Variants in CCNY observed in about 807,000 individuals in gnomAD.
The protein encoded by CCNY is cyclin-Y.
In CCNY, 19 loss-of-function variants were observed where a neutral mutation model predicts 42.8. The ratio of observed to expected loss-of-function variants is 0.44; its 90% CI spans 0.31 to 0.65. The LOEUF is 0.65. Among genes scored for constraint, CCNY ranks in the 30% least tolerant of loss-of-function variants. The pLI, the probability that CCNY is intolerant of heterozygous loss-of-function variation, is 0.07. For synonymous variants in CCNY, 165 were observed against 162.7 expected (o/e 1.01, Z -0.11); for missense variants, 370 against 437.3 (o/e 0.85, Z 1.37).
intron 1 of CCNY, among the ~76,000 whole-genome samples, chr10:35,397,943 C>A (rs930793710): frequency 6.6e-6 from 1 of 152,160 alleles, no homozygotes; most frequent in Non-Finnish European, 1.5e-5. Context: ...GGACTTCCCC[C>A]TCTGGTGATG....
At chr10:35,385,647 T>G (rs1837286674) in intron 1 of CCNY, among the ~76,000 whole-genome samples, 1 of 152,222 alleles carries the variant, frequency 6.6e-6, no homozygotes, top group Admixed American at 6.5e-5. Flanking sequence ...ACCTGATATT[T>G]CTTTAAAACA....
At chr10:35,319,382 AAAAC>A (rs375462688) in intron 3 of CCNY, among the ~76,000 whole-genome samples, 35 of 152,174 alleles carry the variant, frequency 2.3e-4, no homozygotes, top group Admixed American at 3.3e-4. Flanking sequence ...AACCTATCTC[AAAAC>A]AAACAAACAA....
At chr10:35,290,476 T>G (rs1473540156) in intron 3 of CCNY, among the ~76,000 whole-genome samples, 1 of 152,152 alleles carries the variant, frequency 6.6e-6, no homozygotes, top group Non-Finnish European at 1.5e-5. Context: ...TTGAGAGAAT[T>G]ATGTTTTTCT....
chr10:35,498,808 C>G (rs370471262), intron 2 of CCNY, among the ~76,000 whole-genome samples: 5 of 152,202 alleles, frequency 3.3e-5, no homozygotes, highest in African/African-American at 9.6e-5. Context: ...TTAGGAGGAG[C>G]ATTACAAAAC....
chr10:35,555,445 A>G (rs1001539743), intron 8 of CCNY, among the ~76,000 whole-genome samples: 3 of 152,230 alleles, frequency 2.0e-5, no homozygotes, highest in African/African-American at 4.8e-5. Context: ...GTAAAACCCA[A>G]TTACCAGGAA....
chr10:35,528,432 A>C (rs561465882), intron 5 of CCNY, among the ~76,000 whole-genome samples: 3 of 152,324 alleles, frequency 2.0e-5, no homozygotes, highest in Non-Finnish European at 4.4e-5. Context: ...GGCTGAGCGC[A>C]GTGGCTTACG....
chr10:35,438,794 T>G (rs189814670), intron 1 of CCNY, among the ~76,000 whole-genome samples: 1 of 152,352 alleles, frequency 6.6e-6, no homozygotes, highest in East Asian at 1.9e-4. Context: ...CAAGGTTGAT[T>G]TATTTGATTT....
intron 1 of CCNY, among the ~76,000 whole-genome samples, chr10:35,411,238 T>C (rs1837897180): frequency 6.6e-6 from 1 of 152,016 alleles, no homozygotes; most frequent in Non-Finnish European, 1.5e-5. Flanking sequence ...ATAGGCCGGG[T>C]GCGGTGGCTC....
chr10:35,550,281 T>C (rs1841225450), intron 7 of CCNY, among the ~76,000 whole-genome samples: 1 of 151,840 alleles, frequency 6.6e-6, no homozygotes, highest in Admixed American at 6.6e-5. Flanking sequence ...TCCGTGACCC[T>C]ACAGTGCTTG....
intron 3 of CCNY, among the ~76,000 whole-genome samples, chr10:35,269,266 T>A (rs886567658): frequency 7.6e-6 from 1 of 131,062 alleles, no homozygotes; most frequent in Non-Finnish European, 1.6e-5. Context: ...TGCCAAATAA[T>A]CTACTTCCTT....
rs1177072692 is a variant in CCNY, at chr10:35,431,401, CCTCTCTCTCTCTCTCT to C, written c.155-51961_155-51946del. On this transcript the variant is annotated intron_variant, in intron 1 of 9. Transcript: ENST00000374704. Reference sequence around the variant, plus strand: ...CCCTTCCCCTCCCCTCCCCTCCCCTCCTCTCTCTCTCTCTCTCTCTCTCTCTCTCTCTCTCTCTCTC... The same window carrying C: ...CCCTTCCCCTCCCCTCCCCTCCCCTCCTCTCTCTCTCTCTCTCTCTCTCTC... Among the ~76,000 whole-genome samples the C allele has an allele frequency of 4.9e-3, 15 of 3,060 alleles. 1 individual carries two copies. The highest frequency in any genetic ancestry group is 0.016 in the East Asian group (1 of 62). 2.0% of individuals were successfully genotyped at this position (3,060 alleles called of 152,430 possible). A position where few individuals can be genotyped will look rare whatever the true frequency, so the allele number is the denominator to read the frequency against.
chr10:35,280,330 AAAGAAAGG>A (rs1835285281), intron 3 of CCNY, among the ~76,000 whole-genome samples: 1 of 151,398 alleles, frequency 6.6e-6, no homozygotes, highest in South Asian at 2.1e-4. Flanking sequence ...AGAAGGAAAG[AAAGAAAGG>A]AAGAAAGGAA....
In CCNY at chr10:35,416,608, C is replaced by G. The variant is rs541638155; in HGVS notation, c.155-66796C>G. On this transcript the variant is annotated intron_variant, in intron 1 of 9. Transcript: ENST00000374704. ...AATTGAGCAAATGGTGGTGAAGATA[C>G]CATAGAACAAAAGATTTCCTGTTGC... Among the ~76,000 whole-genome samples the G allele has an allele frequency of 3.9e-5, 6 of 152,214 alleles. No homozygotes were observed. In the South Asian group the frequency reaches 1.2e-3, roughly 32 times the overall value.
intron 2 of CCNY, among the ~76,000 whole-genome samples, chr10:35,500,661 C>G (rs1840092596): frequency 6.6e-6 from 1 of 152,172 alleles, no homozygotes; most frequent in South Asian, 2.1e-4. Flanking sequence ...TTCATCTGTA[C>G]CCACAAAATG....
chr10:35,444,986 TA>T (rs940715509), intron 1 of CCNY, among the ~76,000 whole-genome samples: 2 of 152,142 alleles, frequency 1.3e-5, no homozygotes, highest in Non-Finnish European at 1.5e-5. Flanking sequence ...GGGAAATTTT[TA>T]GTATTTGTGG....
Position 35,351,296 on chromosome 10 carries a change from C to T in CCNY, c.154+14089C>T, listed in dbSNP as rs555501328. Among the ~76,000 whole-genome samples the T allele has an allele frequency of 5.3e-5, 8 of 152,294 alleles. No individual in the cohort carries two copies. In the South Asian group the frequency reaches 1.7e-3, roughly 32 times the overall value. On this transcript the variant is annotated intron_variant, in intron 1 of 9. Coordinates refer to ENST00000374704, the MANE Select transcript of CCNY (RefSeq NM_145012.6). ...GTTTATACGACACATCTGGAAGTGACGTGGAAGATGAACTCTTCAGGTCAA... is the reference window on the plus strand; with the variant it reads ...GTTTATACGACACATCTGGAAGTGATGTGGAAGATGAACTCTTCAGGTCAA...
Position 35,383,831 on chromosome 10 carries a change from T to G in CCNY, c.154+46624T>G, listed in dbSNP as rs563451095. On this transcript the variant is annotated intron_variant, in intron 1 of 9. Transcript: ENST00000374704. The stretch of plus-strand genomic sequence containing the variant: ...CAGTACTTTTAGGTAGAAAAAAGAT[T>G]TATCAACTAAGATTGGGAAAAACCT... Among the ~76,000 whole-genome samples, 9 of 152,258 alleles carry G rather than the reference T, an allele frequency of 5.9e-5. No individual in the cohort carries two copies. In the East Asian group the frequency reaches 1.4e-3, roughly 23 times the overall value.
At position 35,252,124 on chromosome 10, in the gene CCNY, T is replaced by G. The variant is rs544204839; in HGVS notation, c.-9+1498T>G. 3.3e-5 allele frequency among the ~76,000 whole-genome samples: 5 copies of G among 152,342 alleles called. No homozygotes were observed. In the South Asian group the frequency reaches 6.2e-4, roughly 19 times the overall value. ...TAGCATAAGATTTTAATTGTCTATA[T>G]TCATTGCTTGAGGGCATTTATAGAA... On this transcript the variant is annotated intron_variant, in intron 3 of 11. Transcript: ENST00000374706.
intron 7 of CCNY, among the ~76,000 whole-genome samples, chr10:35,542,343 C>G (rs1841019761): frequency 6.6e-6 from 1 of 151,858 alleles, no homozygotes; most frequent in Non-Finnish European, 1.5e-5. Flanking sequence ...CACATCACAT[C>G]AAAGGTACAT....
Sources: gnomAD v4.1 joint callset for allele counts (sites outside exome capture counted in the v4.1 genomes callset) on GRCh38, gnomAD v4.1.1 for gene constraint, MANE v1.5 for transcripts, NCBI Gene and HGNC (gene_info 2026-07-23, HGNC 2026-07-21) for gene names.